The following MEMO1 variants were observed in gnomAD, a reference collection of about 807,000 sequenced individuals.
MEMO1 encodes the protein protein MEMO1.
A neutral mutation model predicts 45.2 loss-of-function variants in MEMO1; 6 were observed. The ratio of observed to expected loss-of-function variants is 0.13; its 90% confidence interval spans 0.07 to 0.26. The LOEUF is 0.26. MEMO1 is among the 10% of genes least tolerant of loss of function. The probability of loss-of-function intolerance (pLI) is 1.00; values close to 1 mark genes in which losing one functional copy is unlikely to be tolerated. For missense variants in MEMO1, 184 were observed against 370.5 expected, an observed-to-expected ratio of 0.50 and a Z score of 4.13; for synonymous variants, 78 against 124.3, an observed-to-expected ratio of 0.63 and a Z score of 2.48.
At chr2:32,006,131 T>C (rs1674035035) in intron 2 of MEMO1, among the ~76,000 whole-genome samples, 1 of 152,142 alleles carries the variant, frequency 6.6e-6, no homozygotes, top group African/African-American at 2.4e-5. Flanking sequence ...GTCATAGAGA[T>C]AGGAAGATGG....
In MEMO1 at chr2:31,923,763, A is replaced by AT. The variant is rs1682681317; in HGVS notation, c.213-2854dup. 3 of 1,521,438 alleles carry AT rather than the reference A, an allele frequency of 2.0e-6. No homozygotes were observed. In the Admixed American group the frequency reaches 6.7e-5, roughly 34 times the overall value. The allele number at this position is 1,521,438 out of a possible 1,614,324, so 94.2% of individuals were successfully genotyped here. A position where few individuals can be genotyped will look rare whatever the true frequency, so the allele number is the denominator to read the frequency against. The stretch of plus-strand genomic sequence containing the variant: ...AAACACACAGTCAAAATATGAAGTG[A>AT]TTTTTAAAATAACAATCTAAATTCA... On this transcript the variant is annotated intron_variant, in intron 4 of 9. Transcript: ENST00000404530.
At chr2:31,945,588 A>T (rs1666098599) in intron 2 of MEMO1, among the ~76,000 whole-genome samples, 1 of 152,118 alleles carries the variant, frequency 6.6e-6, no homozygotes, top group South Asian at 2.1e-4. Flanking sequence ...CTGCTTAGAG[A>T]TGTATGTAAA....
intron 2 of MEMO1, 21 bp downstream of exon 2, chr2:32,010,166 G>C (rs2148637733): frequency 7.7e-7 from 1 of 1,305,988 alleles, no homozygotes; most frequent in South Asian, 1.7e-5. Flanking sequence ...CGGCGGGCGG[G>C]CCGGCGGCCT....
chr2:31,917,623 T>C (rs911725055), intron 6 of MEMO1, among the ~76,000 whole-genome samples: 12 of 152,238 alleles, frequency 7.9e-5, no homozygotes, highest in African/African-American at 1.4e-4. Context: ...TATTCTGAGA[T>C]AAAGAAATGT....
intron 2 of MEMO1, among the ~76,000 whole-genome samples, chr2:31,996,797 C>T (rs2148574758): frequency 6.6e-6 from 1 of 152,198 alleles, no homozygotes; most frequent in South Asian, 2.1e-4. Flanking sequence ...GTCGTGTAAT[C>T]ATAGCTCAAT....
At chr2:31,896,596 A>G (rs1677854975) in intron 6 of MEMO1, among the ~76,000 whole-genome samples, 2 of 152,232 alleles carry the variant, frequency 1.3e-5, no homozygotes, top group African/African-American at 4.8e-5. Flanking sequence ...AAAAATTTCT[A>G]TGACCTTGGA....
rs186087587 is a variant in MEMO1, at chr2:31,912,067, G to A, written c.437+5859C>T. 3.6e-3 allele frequency among the ~76,000 whole-genome samples: 551 copies of A among 152,142 alleles called. 6 individuals carry two copies. Among genetic ancestry groups the A allele is most frequent in the African/African-American group, 0.013 (540 of 41,520 alleles). On this transcript the variant is annotated intron_variant, in intron 6 of 9. Transcript: ENST00000404530. ...AGCAATTATAGGCTGGGAGCGGTGGGTCACACCTATAACCCTAGCACTTTG... is the reference window on the plus strand; with the variant it reads ...AGCAATTATAGGCTGGGAGCGGTGGATCACACCTATAACCCTAGCACTTTG...
At chr2:32,005,320 A>G in intron 2 of MEMO1, among the ~76,000 whole-genome samples, 1 of 146,100 alleles carries the variant, frequency 6.8e-6, no homozygotes, top group Non-Finnish European at 1.5e-5. Context: ...TCTGTCACCA[A>G]AAAAAAAAAA....
At chr2:31,915,814 A>G (rs1157127556) in intron 6 of MEMO1, among the ~76,000 whole-genome samples, 2 of 152,146 alleles carry the variant, frequency 1.3e-5, no homozygotes, top group African/African-American at 4.8e-5. Flanking sequence ...CTGGCCCCCA[A>G]ATTTTAGGCA....
At chr2:32,007,809 G>A (rs113690135) in intron 2 of MEMO1, among the ~76,000 whole-genome samples, 2 of 152,250 alleles carry the variant, frequency 1.3e-5, no homozygotes, top group Admixed American at 6.5e-5. Flanking sequence ...AAAGACAGGT[G>A]TTACTAAACC....
chr2:31,987,786 T>G (rs1671450080), intron 2 of MEMO1, among the ~76,000 whole-genome samples: 1 of 152,140 alleles, frequency 6.6e-6, no homozygotes, highest in Non-Finnish European at 1.5e-5. Flanking sequence ...TGTAGTTTTC[T>G]AACTGCTATA....
At chr2:31,868,605 T>G in intron 9 of MEMO1, 113 bp from the exon 10 acceptor site, 1 of 1,006,794 alleles carries the variant, frequency 9.9e-7, no homozygotes, top group Non-Finnish European at 1.3e-6. Flanking sequence ...TTATCTCTTT[T>G]GCTCTTTTGT....
At chr2:32,009,611 T>G (rs1325680890) in intron 2 of MEMO1, among the ~76,000 whole-genome samples, 1 of 152,108 alleles carries the variant, frequency 6.6e-6, no homozygotes, top group African/African-American at 2.4e-5. Flanking sequence ...CCTCTCCGGC[T>G]GCGGGCGCGG....
chr2:32,010,823 C>T (rs1674833037), intron 1 of MEMO1, 119 bp downstream of exon 1: 1 of 152,304 alleles, frequency 6.6e-6, no homozygotes, highest in African/African-American at 2.4e-5. Context: ...CTGACGGCAT[C>T]TGGGGTCGGG....
chr2:31,927,716 T>C (rs566392734), intron 4 of MEMO1, among the ~76,000 whole-genome samples: 24 of 152,212 alleles, frequency 1.6e-4, no homozygotes, highest in African/African-American at 5.8e-4. Context: ...TTCTCATTTT[T>C]AAAAATGTTA....
intron 8 of MEMO1, among the ~76,000 whole-genome samples, chr2:31,877,457 GAA>G (rs1330632047): frequency 2.0e-5 from 3 of 152,298 alleles, no homozygotes; most frequent in African/African-American, 7.2e-5. Flanking sequence ...TAAGACTACA[GAA>G]TATCTACAGC....
chr2:31,875,515 C>T (rs1372579414), intron 8 of MEMO1, among the ~76,000 whole-genome samples: 1 of 152,086 alleles, frequency 6.6e-6, no homozygotes, highest in African/African-American at 2.4e-5. Flanking sequence ...TGAAAGCCTT[C>T]CTGAGTTCCA....
intron 6 of MEMO1, among the ~76,000 whole-genome samples, chr2:31,892,511 T>G (rs1205472806): frequency 2.0e-5 from 3 of 152,168 alleles, no homozygotes; most frequent in Admixed American, 2.0e-4. Context: ...CAAATCCTTC[T>G]GTGATTATAA....
At chr2:31,941,086 A>C (rs550261852) in intron 3 of MEMO1, among the ~76,000 whole-genome samples, 241 of 152,300 alleles carry the variant, frequency 1.6e-3, no homozygotes, top group Non-Finnish European at 1.2e-3. Context: ...TACTGCTCAA[A>C]ACTTGTCATG....
Sources: gnomAD v4.1 joint callset for allele counts (sites outside exome capture counted in the v4.1 genomes callset) on GRCh38, gnomAD v4.1.1 for gene constraint, MANE v1.5 for transcripts, NCBI Gene and HGNC (gene_info 2026-07-23, HGNC 2026-07-21) for gene names.